Variants in NUP133 observed in about 807,000 individuals in gnomAD.
The protein encoded by NUP133 is nucleoporin 133.
NUP133 carries 66 observed loss-of-function variants against 146.2 expected under a neutral mutation model. The ratio of observed to expected loss-of-function variants is 0.45; its 90% confidence interval spans 0.37 to 0.55. The LOEUF (loss-of-function observed/expected upper bound fraction) is 0.55, where lower values mean the gene tolerates loss of function less well. Among genes scored for constraint, NUP133 ranks in the 20% least tolerant of loss-of-function variants. The pLI is 0.00. For synonymous variants in NUP133, 521 were observed against 498.8 expected, an observed-to-expected ratio of 1.04 and a Z score of -0.59; for missense variants, 1,277 against 1,374.8, an observed-to-expected ratio of 0.93 and a Z score of 1.12.
intron 13 of NUP133, 87 bp downstream of exon 13, chr1:229,477,510 G>C: frequency 1.0e-6 from 1 of 987,588 alleles, no homozygotes; most frequent in African/African-American, 1.7e-5. Context: ...TGTTTGAGAA[G>C]CTAAAAAATA....
At position 229,486,528 on chromosome 1, in the gene NUP133, C is replaced by G; in HGVS notation, c.1343G>C (p.Gly448Ala). 1 of 1,600,260 alleles carries G rather than the reference C, an allele frequency of 6.2e-7. No individual in the cohort carries two copies. The highest frequency in any genetic ancestry group is 8.5e-7 in the Non-Finnish European group (1 of 1,176,390). ...PQEKIVFNAQ[G>A]DSVLGAGACG... is the part of the protein sequence containing the mutation. ...GGCACCAGCACCTAAAACACTATCT[C>G]CTAAAAGAAAGGAAAACAGAGTCAA... The change falls in exon 11 of 26, where the codon GGA (glycine) becomes GCA (alanine). Residue 448 changes from glycine to alanine, a missense_variant and splice_region_variant. Around this residue, in one of 3 missense-constraint regions of NUP133, gnomAD observed 952 missense variants for 1,047.0 expected, o/e 0.91. Transcript: ENST00000261396.
chr1:229,486,376 T>C lies in NUP133; in HGVS notation c.1495A>G (p.Ser499Gly). 1 of 1,575,294 alleles carries C rather than the reference T, an allele frequency of 6.3e-7. No individual in the cohort carries two copies. Among genetic ancestry groups the C allele is most frequent in the East Asian group, 2.3e-5 (1 of 44,244 alleles). ...SLASSVAGPN[S>G]ESMIFETTTK... Reference sequence around the variant, plus strand: ...TTCTTATCGAATCACATTACCTCACTGTTTGGTCCAGCAACTGAAGATGCT... The same window carrying C: ...TTCTTATCGAATCACATTACCTCACCGTTTGGTCCAGCAACTGAAGATGCT... The change falls in exon 11 of 26, where the codon AGT becomes GGT. Residue 499 changes from serine to glycine, a missense_variant. Ser to Gly is a moderately conservative substitution (Grantham distance 56). Transcript: ENST00000261396.
chr1:229,450,108 C>T (rs1660416215), intron 23 of NUP133, among the ~76,000 whole-genome samples: 1 of 150,332 alleles, frequency 6.7e-6, no homozygotes, highest in East Asian at 2.0e-4. Context: ...GTTTGCCAGG[C>T]TGGCCTCAAA....
rs868056057 is a variant in NUP133 at position 229,449,888 on chromosome 1, T to A, written c.3180+637A>T. On this transcript the variant is annotated intron_variant, in intron 23 of 25. Coordinates refer to ENST00000261396, the MANE Select transcript of NUP133 (RefSeq NM_018230.3). ...ATATATATATATTTTTTTTTTTTTT[T>A]TTTTTTTTTTTGAGACAGTCTCACT... 7.0e-3 allele frequency among the ~76,000 whole-genome samples: 905 copies of A among 129,080 alleles called. 33 individuals are homozygous for A. Among genetic ancestry groups the A allele is most frequent in the African/African-American group, 0.025 (843 of 33,702 alleles). The allele number at this position is 129,080 out of a possible 152,430, so 84.7% of individuals were successfully genotyped here.
intron 1 of NUP133, 148 bp from the exon 2 acceptor site, chr1:229,506,306 C>A: frequency 1.5e-5 from 7 of 467,468 alleles, no homozygotes; most frequent in East Asian, 1.0e-4. Context: ...TAATATTTTT[C>A]ATGTAAAAAA....
At chr1:229,451,261 C>T (rs1660442135) in intron 22 of NUP133, among the ~76,000 whole-genome samples, 1 of 151,848 alleles carries the variant, frequency 6.6e-6, no homozygotes, top group Non-Finnish European at 1.5e-5. Context: ...TAGCTGGGTA[C>T]AGTGGTGCAC....
At chr1:229,444,089 T>C (rs1042305762) in intron 25 of NUP133, among the ~76,000 whole-genome samples, 9 of 151,916 alleles carry the variant, frequency 5.9e-5, no homozygotes, top group African/African-American at 2.2e-4. Context: ...TCCCAGCAAT[T>C]TGGGAGGCTG....
chr1:229,503,409 C>A (rs1200144187), intron 2 of NUP133, among the ~76,000 whole-genome samples: 1 of 152,006 alleles, frequency 6.6e-6, no homozygotes, highest in African/African-American at 2.4e-5. Context: ...ACCAAAAGCA[C>A]ATAATTTTCA....
intron 19 of NUP133, among the ~76,000 whole-genome samples, chr1:229,462,661 G>C (rs1470194134): frequency 6.6e-6 from 1 of 151,906 alleles, no homozygotes; most frequent in African/African-American, 2.4e-5. Flanking sequence ...GGGCTCAAAC[G>C]ATCCTGCCAC....
chr1:229,491,667 A>G (rs1185390200), intron 8 of NUP133, among the ~76,000 whole-genome samples: 1 of 152,102 alleles, frequency 6.6e-6, no homozygotes, highest in Non-Finnish European at 1.5e-5. Context: ...AATCTCAGCT[A>G]CTCGGGAGGC....
intron 2 of NUP133, among the ~76,000 whole-genome samples, chr1:229,502,515 T>C (rs12031235): frequency 0.2 from 26,363 of 131,222 alleles, 2,655 homozygotes; most frequent in Middle Eastern, 0.31. Flanking sequence ...GCCGAGATCG[T>C]GCCACTGCAC....
chr1:229,501,442 G>A (rs1219749666), intron 3 of NUP133, among the ~76,000 whole-genome samples: 2 of 152,150 alleles, frequency 1.3e-5, no homozygotes, highest in African/African-American at 4.8e-5. Context: ...GAGTTCCAAC[G>A]GAACATGGCC....
chr1:229,496,953 T>A (rs1661671169), intron 6 of NUP133, among the ~76,000 whole-genome samples: 1 of 152,278 alleles, frequency 6.6e-6, no homozygotes, highest in African/African-American at 2.4e-5. Context: ...TGTGTTTGAA[T>A]GCATTTGGCA....
At position 229,465,475 on chromosome 1, in the gene NUP133, A is replaced by C. The variant is rs1186762579; in HGVS notation, c.2244T>G (p.Ser748=). ...CTAGTGATTCTTCTCTTCTATACAA[A>C]GAGTTTCTATTTTGGCGATAATGAC... ...AASHYRQNRN[S]LYRREESLEK... is the part of the protein sequence containing the mutation. Residue 748 remains serine, a synonymous_variant, in exon 17 of 26, where the codon TCT becomes TCG. Coordinates refer to ENST00000261396, the MANE Select transcript of NUP133 (RefSeq NM_018230.3). 1 of 1,614,036 alleles carries C rather than the reference A, an allele frequency of 6.2e-7. No homozygotes were observed. The highest frequency in any genetic ancestry group is 2.2e-5 in the East Asian group (1 of 44,868).
chr1:229,448,977 C>T lies in NUP133; in HGVS notation c.3245+149G>A. 4.6e-6 allele frequency: 3 copies of T among 658,860 alleles called. No individual in the cohort carries two copies. In the South Asian group the frequency reaches 5.2e-5, roughly 11 times the overall value. The allele number at this position is 658,860 out of a possible 1,614,324, so 40.8% of individuals were successfully genotyped here. A position where few individuals can be genotyped will look rare whatever the true frequency, so the allele number is the denominator to read the frequency against. On this transcript the variant is annotated intron_variant, in intron 24 of 25. Coordinates refer to ENST00000261396, the MANE Select transcript of NUP133 (RefSeq NM_018230.3). ...TAAAGGACATTCAGCTGGTGCCCAC[C>T]AACAGAACTCACTGGTTGCCCAGTG...
rs1660175482 is a variant in NUP133 at position 229,441,230 on chromosome 1, A to G, written c.*674T>C. The G allele has an allele frequency of 3.0e-6, 1 of 334,896 alleles. No homozygotes were observed. The highest frequency in any genetic ancestry group is 5.9e-6 in the Non-Finnish European group (1 of 168,850). 20.7% of individuals were successfully genotyped at this position (334,896 alleles called of 1,614,324 possible). On this transcript the variant is annotated 3_prime_UTR_variant, in exon 26 of 26. Coordinates refer to ENST00000261396, the MANE Select transcript of NUP133 (RefSeq NM_018230.3). ...GGCTGAATCCCCACACTGAAAGATT[A>G]GAACTAAACATCAACAGTAATTTCT... is the stretch of plus-strand genomic sequence containing the variant.
intron 25 of NUP133, among the ~76,000 whole-genome samples, chr1:229,444,067 T>C (rs557335093): frequency 6.6e-6 from 1 of 152,082 alleles, no homozygotes; most frequent in African/African-American, 2.4e-5. Context: ...GCGTGGTGGC[T>C]CATGCCTGTA....
chr1:229,466,601 T>G (rs779191289), intron 16 of NUP133, 33 bp downstream of exon 16: 1 of 1,612,800 alleles, frequency 6.2e-7, no homozygotes, highest in Non-Finnish European at 8.5e-7. Flanking sequence ...CCCTGGGCTT[T>G]GATTTGCTGA....
At chr1:229,455,491 T>A (rs1056032246) in intron 21 of NUP133, among the ~76,000 whole-genome samples, 1 of 152,042 alleles carries the variant, frequency 6.6e-6, no homozygotes, top group Non-Finnish European at 1.5e-5. Flanking sequence ...AGTCTAGGAG[T>A]CCGAGGCTGC....
Sources: gnomAD v4.1 joint callset for allele counts (sites outside exome capture counted in the v4.1 genomes callset) on GRCh38, gnomAD v4.1.1 for gene constraint, gnomAD v4.1.1 regional missense constraint, MANE v1.5 for transcripts, NCBI Gene and HGNC (gene_info 2026-07-23, HGNC 2026-07-21) for gene names.